Variants in MGAM2 observed in about 807,000 individuals in gnomAD.
MGAM2 encodes maltase-glucoamylase 2 (putative).
Under a neutral mutation model 96.1 loss-of-function variants are expected in MGAM2, and 98 were observed. The observed-to-expected ratio is 1.02, with a 90% CI of 0.87 to 1.21. The LOEUF (loss-of-function observed/expected upper bound fraction) is 1.21, where lower values mean the gene tolerates loss of function less well. Ranked by LOEUF, MGAM2 falls within the 50% of genes most tolerant of loss-of-function variation. The pLI, the probability that MGAM2 is intolerant of heterozygous loss-of-function variation, is 0.00. For synonymous variants in MGAM2, 749 were observed against 414.8 expected (o/e 1.81, Z -9.79); for missense variants, 2,055 against 1,182.4 (o/e 1.74, Z -10.82).
intron 47 of MGAM2, 67 bp from the exon 48 acceptor site, chr7:142,219,803 G>A: frequency 1.6e-6 from 1 of 614,430 alleles, no homozygotes; most frequent in Non-Finnish European, 2.9e-6. Flanking sequence ...TGTAATTTAA[G>A]AGGTGAGCTA....
At position 142,213,071 on chromosome 7, in the gene MGAM2, C is replaced by A. The variant is rs547090982; in HGVS notation, c.5187+4449C>A. On this transcript the variant is annotated intron_variant, in intron 46 of 47. Coordinates refer to ENST00000477922, the MANE Select transcript of MGAM2 (RefSeq NM_001293626.2). ...AACTACAGGGAAACTGAACAACCTG[C>A]TCCTGGATGACTACTGAGTAAATAA... 1.1e-4 allele frequency among the ~76,000 whole-genome samples: 17 copies of A among 152,302 alleles called. No homozygotes were observed. The South Asian group carries it at 3.3e-3, about 30-fold the overall frequency.
At chr7:142,117,794 G>T (rs1324919890) in intron 2 of MGAM2, among the ~76,000 whole-genome samples, 1 of 151,954 alleles carries the variant, frequency 6.6e-6, no homozygotes, top group East Asian at 1.9e-4. Flanking sequence ...ACATTTTTCG[G>T]GTAACAAGTC....
intron 15 of MGAM2, among the ~76,000 whole-genome samples, chr7:142,150,775 T>C (rs1006227497): frequency 1.3e-5 from 2 of 152,202 alleles, no homozygotes; most frequent in African/African-American, 4.8e-5. Context: ...TTTTATACAG[T>C]GAAATTCTTA....
chr7:142,175,707 G>C lies in MGAM2; in HGVS notation c.3743G>C (p.Ser1248Thr), dbSNP rs1303020640. ...YMNRKLDFTL[S>T]ANFQNLSLLI... The stretch of plus-strand genomic sequence containing the variant: ...AACCGGAAGCTGGATTTCACCCTCA[G>C]TGCCAACTTTCAAAACCTCAGTCTT... The change falls in exon 32 of 48, where the codon AGT becomes ACT. Residue 1248 changes from serine (S) to threonine (T), a missense_variant. Transcript: ENST00000477922. 2.8e-6 allele frequency: 2 copies of C among 702,840 alleles called. No individual in the cohort carries two copies. The highest frequency in any genetic ancestry group is 5.2e-6 in the Non-Finnish European group (2 of 384,976). The allele number at this position is 702,840 out of a possible 1,614,324, so 43.5% of individuals were successfully genotyped here. A position where few individuals can be genotyped will look rare whatever the true frequency, so the allele number is the denominator to read the frequency against.
intron 23 of MGAM2, among the ~76,000 whole-genome samples, 180 bp from the exon 24 acceptor site, chr7:142,164,676 T>C (rs530892062): frequency 1.3e-5 from 2 of 152,188 alleles, no homozygotes; most frequent in Non-Finnish European, 2.9e-5. Context: ...TACTTAAAAA[T>C]TTAAGATTGA....
chr7:142,186,157 T>C, intron 35 of MGAM2, 34 bp downstream of exon 35: 1 of 687,700 alleles, frequency 1.5e-6, no homozygotes, highest in Non-Finnish European at 2.6e-6. Flanking sequence ...TTTTTTTTTT[T>C]TGGAAATGTT....
In MGAM2 at chr7:142,220,858, C is replaced by T. The variant is rs910456738; in HGVS notation, c.6347C>T (p.Thr2116Ile). 1.4e-6 allele frequency: 1 copy of T among 702,022 alleles called. No individual in the cohort carries two copies. The allele number at this position is 702,022 out of a possible 1,614,324, so 43.5% of individuals were successfully genotyped here. Residue 2116 changes from threonine (T) to isoleucine (I), a missense_variant, in exon 48 of 48, where the codon ACT becomes ATT. Coordinates refer to ENST00000477922, the MANE Select transcript of MGAM2 (RefSeq NM_001293626.2). ...AGTACTGCTGATGCCACCATTAGTA[C>T]TACTGTACTTATTGCCACTACTTCT... is the stretch of plus-strand genomic sequence containing the variant. ...LTSTADATIS[T>I]TVLIATTSSL...
intron 7 of MGAM2, among the ~76,000 whole-genome samples, chr7:142,135,231 A>G (rs1051530092): frequency 3.3e-5 from 5 of 152,226 alleles, no homozygotes; most frequent in African/African-American, 1.2e-4. Flanking sequence ...CAATGGAGGG[A>G]GTGAACTTGC....
chr7:142,132,660 T>C (rs1281641978), intron 6 of MGAM2, among the ~76,000 whole-genome samples: 1 of 127,180 alleles, frequency 7.9e-6, no homozygotes, highest in African/African-American at 3.1e-5. Context: ...ATAATTAAAA[T>C]ATAATAAATA....
chr7:142,194,168 A>G (rs4636114), intron 37 of MGAM2, among the ~76,000 whole-genome samples: 116,451 of 151,810 alleles, frequency 0.77, 45,284 homozygotes, highest in African/African-American at 0.9. Context: ...TAGTAGCTGC[A>G]ATTAGAGTTG....
In MGAM2 at chr7:142,210,239, C is replaced by T. The variant is rs1797534605; in HGVS notation, c.5187+1617C>T. ...CCTCAGGTGCCTACACCACCAGGAC[C>T]CTGGGTTTCAAGCACAAAACTGAGT... On this transcript the variant is annotated intron_variant, in intron 46 of 47. Transcript: ENST00000477922. 1.3e-5 allele frequency among the ~76,000 whole-genome samples: 2 copies of T among 152,154 alleles called. 1 individual carries two copies. The highest frequency in any genetic ancestry group is 4.1e-4 in the South Asian group (2 of 4,822).
At chr7:142,191,466 G>A (rs575973635) in intron 37 of MGAM2, among the ~76,000 whole-genome samples, 5 of 152,212 alleles carry the variant, frequency 3.3e-5, no homozygotes, top group Non-Finnish European at 7.4e-5. Flanking sequence ...TTATTTTTGT[G>A]TATGGTGTGA....
chr7:142,201,725 G>A lies in MGAM2; in HGVS notation c.5137+1757G>A, dbSNP rs959955936. Reference sequence around the variant, plus strand: ...TTGTTACTATTTTGTAAACAATACAGGATACCAATGATTTACATAATGTTT... The same window carrying A: ...TTGTTACTATTTTGTAAACAATACAAGATACCAATGATTTACATAATGTTT... On this transcript the variant is annotated intron_variant, in intron 45 of 47. Coordinates refer to ENST00000477922, the MANE Select transcript of MGAM2 (RefSeq NM_001293626.2). Among the ~76,000 whole-genome samples, 11 of 152,214 alleles carry A rather than the reference G, an allele frequency of 7.2e-5. 1 individual carries two copies. The Middle Eastern group carries it at 0.01, about 141-fold the overall frequency.
At chr7:142,153,082 G>A (rs1795631233) in intron 15 of MGAM2, among the ~76,000 whole-genome samples, 1 of 148,030 alleles carries the variant, frequency 6.8e-6, no homozygotes, top group Non-Finnish European at 1.5e-5. Context: ...TGCAACCTCT[G>A]CCTCTTGGGT....
Position 142,130,946 on chromosome 7 carries a change from A to G in MGAM2, c.187-2A>G, listed in dbSNP as rs574544226. 1.4e-6 allele frequency: 1 copy of G among 702,652 alleles called. No individual in the cohort carries two copies. Among genetic ancestry groups the G allele is most frequent in the African/African-American group, 1.7e-5 (1 of 57,378 alleles). The allele number at this position is 702,652 out of a possible 1,614,324, so 43.5% of individuals were successfully genotyped here. A position where few individuals can be genotyped will look rare whatever the true frequency, so the allele number is the denominator to read the frequency against. On this transcript the variant is annotated splice_acceptor_variant, in intron 3 of 47. Transcript: ENST00000477922. LOFTEE classifies it high-confidence loss of function. ...ACTGCTAACTCTGTGTCATTGTTAC[A>G]GGATATCTGCAGATGGCAATATAAG...
chr7:142,142,444 C>A (rs989581687), intron 12 of MGAM2, among the ~76,000 whole-genome samples: 1 of 150,304 alleles, frequency 6.7e-6, no homozygotes, highest in Admixed American at 6.6e-5. Context: ...TAGTTGACTT[C>A]ATTGACCAAT....
intron 15 of MGAM2, among the ~76,000 whole-genome samples, chr7:142,149,241 A>T (rs1349650743): frequency 6.7e-6 from 1 of 150,240 alleles, no homozygotes; most frequent in Non-Finnish European, 1.5e-5. Flanking sequence ...AAAAAAAAAT[A>T]AAAAAAGATA....
chr7:142,127,157 T>C (rs1794755077), intron 3 of MGAM2, among the ~76,000 whole-genome samples: 1 of 152,216 alleles, frequency 6.6e-6, no homozygotes, highest in South Asian at 2.1e-4. Context: ...TTAGTTTTTA[T>C]TATTTTACAC....
chr7:142,171,631 T>C lies in MGAM2; in HGVS notation c.3351+191T>C, dbSNP rs542640431. ...ATATATATATATATATATATATATA[T>C]ATATATATATATATATATATATATC... On this transcript the variant is annotated intron_variant, in intron 28 of 47. Coordinates refer to ENST00000477922, the MANE Select transcript of MGAM2 (RefSeq NM_001293626.2). Among the ~76,000 whole-genome samples, 2 of 84,840 alleles carry C rather than the reference T, an allele frequency of 2.4e-5. 1 individual carries two copies. Among genetic ancestry groups the C allele is most frequent in the Non-Finnish European group, 5.1e-5 (2 of 38,876 alleles). 55.7% of individuals were successfully genotyped at this position (84,840 alleles called of 152,430 possible). A position where few individuals can be genotyped will look rare whatever the true frequency, so the allele number is the denominator to read the frequency against.
Sources: allele counts gnomAD v4.1 joint callset (sites outside exome capture counted in the v4.1 genomes callset), GRCh38; gene constraint gnomAD v4.1.1; transcripts MANE v1.5; gene names NCBI Gene and HGNC (gene_info 2026-07-23, HGNC 2026-07-21).